Variants in TSPAN18 observed in about 807,000 individuals in gnomAD.
TSPAN18 encodes the protein tetraspanin 18.
A neutral mutation model predicts 27.3 loss-of-function variants in TSPAN18; 14 were observed. The observed-to-expected ratio is 0.51, with a 90% CI of 0.34 to 0.80. TSPAN18 has a LOEUF of 0.80. Ranked by LOEUF, TSPAN18 falls within the 30% of genes least tolerant of loss-of-function variation. TSPAN18 has a pLI of 0.01. For synonymous variants in TSPAN18, 143 were observed against 136.5 expected (o/e 1.05, Z -0.33); for missense variants, 268 against 323.9 (o/e 0.83, Z 1.32).
chr11:44,867,511 G>T (rs1207737711), intron 3 of TSPAN18, among the ~76,000 whole-genome samples: 2 of 136,508 alleles, frequency 1.5e-5, no homozygotes, highest in African/African-American at 5.5e-5. Context: ...TAATTCTCCT[G>T]CCTCAGTCTC....
intron 6 of TSPAN18, 75 bp downstream of exon 6, chr11:44,918,121 C>A: frequency 6.8e-7 from 1 of 1,476,098 alleles, no homozygotes; most frequent in Non-Finnish European, 9.4e-7. Flanking sequence ...TCTGGCTCCT[C>A]CCCTCCTTGA....
intron 2 of TSPAN18, among the ~76,000 whole-genome samples, chr11:44,782,241 A>C (rs756485660): frequency 6.6e-6 from 1 of 152,150 alleles, no homozygotes; most frequent in Non-Finnish European, 1.5e-5. Flanking sequence ...GGGTAGGTGT[A>C]TGTATAACTT....
In TSPAN18 at chr11:44,727,065, GGCCCCA is replaced by G. The variant is rs1190379437; in HGVS notation, c.-456_-451del. On this transcript the variant is annotated 5_prime_UTR_variant, in exon 1 of 10. Transcript: ENST00000520358. ...CCGCCCGAGCCCCAGCCCCGGCCCC[GGCCCCA>G]GCCCCGGCCCCGGCCCCGGCCCCGG... is the stretch of plus-strand genomic sequence containing the variant. 4 of 34,722 alleles carry G rather than the reference GGCCCCA, an allele frequency of 1.2e-4. No homozygotes were observed. The highest frequency in any genetic ancestry group is 3.1e-4 in the Admixed American group (1 of 3,190). The allele number at this position is 34,722 out of a possible 1,614,324, so 2.2% of individuals were successfully genotyped here.
At chr11:44,819,726 CT>C (rs964395854) in intron 2 of TSPAN18, among the ~76,000 whole-genome samples, 12 of 146,716 alleles carry the variant, frequency 8.2e-5, no homozygotes, top group Admixed American at 4.1e-4. Flanking sequence ...CTTTCCTTTC[CT>C]TTTTTTTTTC....
chr11:44,782,388 A>G (rs1347048284), intron 2 of TSPAN18, among the ~76,000 whole-genome samples: 1 of 152,010 alleles, frequency 6.6e-6, no homozygotes, highest in Non-Finnish European at 1.5e-5. Flanking sequence ...CTAAAAATAC[A>G]AAAAATTAGC....
At chr11:44,793,034 G>A (rs1180212311) in intron 2 of TSPAN18, among the ~76,000 whole-genome samples, 2 of 152,188 alleles carry the variant, frequency 1.3e-5, no homozygotes, top group Non-Finnish European at 2.9e-5. Context: ...GGGAAAATGG[G>A]AAGGGAAGGG....
chr11:44,855,532 A>C (rs1857712767), intron 2 of TSPAN18, among the ~76,000 whole-genome samples: 1 of 151,592 alleles, frequency 6.6e-6, no homozygotes, highest in Non-Finnish European at 1.5e-5. Context: ...TTTTTTTCCC[A>C]CTTTATAGGG....
chr11:44,834,626 C>T (rs926410335), intron 2 of TSPAN18, among the ~76,000 whole-genome samples: 1 of 152,186 alleles, frequency 6.6e-6, no homozygotes, highest in African/African-American at 2.4e-5. Context: ...GTTAGGCAGG[C>T]AGGCTCAGCA....
intron 8 of TSPAN18, among the ~76,000 whole-genome samples, chr11:44,921,857 T>G (rs1860149361): frequency 6.6e-6 from 1 of 152,212 alleles, no homozygotes; most frequent in Non-Finnish European, 1.5e-5. Flanking sequence ...ATTTCTGGAC[T>G]CATCCTCCGT....
chr11:44,748,373 G>C (rs1369196375), intron 1 of TSPAN18, among the ~76,000 whole-genome samples: 4 of 151,766 alleles, frequency 2.6e-5, no homozygotes, highest in African/African-American at 9.7e-5. Flanking sequence ...ACTCCAGCCT[G>C]GGTGACAGAG....
chr11:44,876,149 C>T (rs1993205), intron 3 of TSPAN18, among the ~76,000 whole-genome samples: 99,205 of 152,008 alleles, frequency 0.65, 33,082 homozygotes, highest in East Asian at 0.82. Context: ...AACAAAAGTT[C>T]TTCTGTTTTC....
chr11:44,838,633 G>A (rs1224517000), intron 2 of TSPAN18, among the ~76,000 whole-genome samples: 2 of 152,120 alleles, frequency 1.3e-5, no homozygotes, highest in Non-Finnish European at 2.9e-5. Context: ...TGGGAGTGAC[G>A]CCACCTGTGA....
At chr11:44,727,795 G>T (rs927669439) in intron 1 of TSPAN18, among the ~76,000 whole-genome samples, 1 of 152,220 alleles carries the variant, frequency 6.6e-6, no homozygotes, top group Non-Finnish European at 1.5e-5. Context: ...CAGCGGGGCG[G>T]GGCGGGGCGG....
intron 9 of TSPAN18, among the ~76,000 whole-genome samples, chr11:44,927,895 C>G (rs559041158): frequency 6.6e-6 from 1 of 152,316 alleles, no homozygotes; most frequent in East Asian, 1.9e-4. Flanking sequence ...ACGGGGACAG[C>G]ATGCTACTGG....
At chr11:44,851,615 T>A (rs7943452) in intron 2 of TSPAN18, among the ~76,000 whole-genome samples, 10 of 122,844 alleles carry the variant, frequency 8.1e-5, no homozygotes, top group Admixed American at 3.3e-4. Flanking sequence ...TCTTGTCACC[T>A]CCCCCCCCCA....
chr11:44,896,345 G>A (rs1312493390), intron 3 of TSPAN18, among the ~76,000 whole-genome samples: 2 of 152,142 alleles, frequency 1.3e-5, no homozygotes, highest in Non-Finnish European at 2.9e-5. Context: ...TGTTGGACAA[G>A]TCAATTCTCT....
intron 2 of TSPAN18, among the ~76,000 whole-genome samples, chr11:44,773,314 C>T (rs1034313153): frequency 6.6e-6 from 1 of 151,782 alleles, no homozygotes. Flanking sequence ...TACTAGGGAG[C>T]CTGAGACAGG....
chr11:44,781,148 G>A (rs1855929405), intron 2 of TSPAN18, among the ~76,000 whole-genome samples: 1 of 152,212 alleles, frequency 6.6e-6, no homozygotes, highest in African/African-American at 2.4e-5. Flanking sequence ...GGAGGGCCCT[G>A]GCCAGTCTCT....
chr11:44,769,602 G>A (rs1855645984), intron 2 of TSPAN18, among the ~76,000 whole-genome samples: 1 of 152,116 alleles, frequency 6.6e-6, no homozygotes, highest in Non-Finnish European at 1.5e-5. Flanking sequence ...TTGTGTGTGA[G>A]CTTTGGCAGA....
Sources: gnomAD v4.1 joint callset for allele counts (sites outside exome capture counted in the v4.1 genomes callset) on GRCh38, gnomAD v4.1.1 for gene constraint, MANE v1.5 for transcripts, NCBI Gene and HGNC (gene_info 2026-07-23, HGNC 2026-07-21) for gene names.